The following DLG2 variants were observed in gnomAD, a reference collection of about 807,000 sequenced individuals.
DLG2 encodes disks large homolog 2.
DLG2 carries 45 observed loss-of-function variants against 132.5 expected under a neutral mutation model. The observed-to-expected ratio is 0.34, with a 90% confidence interval of 0.27 to 0.44. The LOEUF (loss-of-function observed/expected upper bound fraction) is 0.44, where lower values mean the gene tolerates loss of function less well. Ranked by LOEUF, DLG2 falls within the 20% of genes least tolerant of loss-of-function variation. The probability of loss-of-function intolerance (pLI) is 1.00; values close to 1 mark genes in which losing one functional copy is unlikely to be tolerated. For synonymous variants in DLG2, 424 were observed against 419.6 expected (o/e 1.01, Z -0.13); for missense variants, 1,045 against 1,196.9 (o/e 0.87, Z 1.87).
intron 15 of DLG2, among the ~76,000 whole-genome samples, chr11:83,916,320 T>C (rs547712421): frequency 3.2e-4 from 49 of 152,074 alleles, no homozygotes; most frequent in African/African-American, 1.1e-3. Flanking sequence ...TTTTTTTTTG[T>C]TTTTTGTTTT....
At chr11:83,705,973 CT>C (rs1365498715) in intron 18 of DLG2, among the ~76,000 whole-genome samples, 1 of 152,156 alleles carries the variant, frequency 6.6e-6, no homozygotes, top group Non-Finnish European at 1.5e-5. Flanking sequence ...AATCCCAGCA[CT>C]TTGGGAGGCC....
At chr11:85,124,521 T>G (rs2074827548) in intron 5 of DLG2, among the ~76,000 whole-genome samples, 1 of 152,180 alleles carries the variant, frequency 6.6e-6, no homozygotes, top group Non-Finnish European at 1.5e-5. Context: ...CATTTCAGAC[T>G]TGAGAAAAAT....
chr11:85,017,120 C>T (rs913995577), intron 6 of DLG2, among the ~76,000 whole-genome samples: 1 of 152,144 alleles, frequency 6.6e-6, no homozygotes, highest in South Asian at 2.1e-4. Flanking sequence ...TACTCTCTAG[C>T]CCTTTACTGG....
intron 7 of DLG2, among the ~76,000 whole-genome samples, chr11:84,501,371 C>G (rs937350040): frequency 6.6e-6 from 1 of 152,170 alleles, no homozygotes; most frequent in African/African-American, 2.4e-5. Flanking sequence ...TCGAGACCAG[C>G]CTGGCCAACA....
At chr11:85,147,735 T>A (rs1220378340) in intron 5 of DLG2, among the ~76,000 whole-genome samples, 2 of 150,468 alleles carry the variant, frequency 1.3e-5, no homozygotes, top group Non-Finnish European at 2.9e-5. Context: ...ATGGTCAATA[T>A]TCTTTTATTT....
intron 8 of DLG2, among the ~76,000 whole-genome samples, chr11:84,187,725 T>C (rs1009586573): frequency 6.6e-5 from 10 of 152,180 alleles, no homozygotes; most frequent in Admixed American, 2.6e-4. Flanking sequence ...ACACCTCTTG[T>C]CTGTTAAAGG....
intron 4 of DLG2, among the ~76,000 whole-genome samples, chr11:85,248,820 C>T (rs2076260775): frequency 6.6e-6 from 1 of 151,984 alleles, no homozygotes; most frequent in East Asian, 1.9e-4. Flanking sequence ...TATTTATGGC[C>T]TCATGAAGGG....
intron 7 of DLG2, among the ~76,000 whole-genome samples, chr11:84,271,656 A>G (rs1379411172): frequency 2.0e-5 from 3 of 152,196 alleles, no homozygotes; most frequent in Admixed American, 6.5e-5. Flanking sequence ...TGTGCTAGAC[A>G]CTGGGAATAG....
chr11:84,611,814 A>G (rs561493102), intron 6 of DLG2, among the ~76,000 whole-genome samples: 5 of 152,194 alleles, frequency 3.3e-5, no homozygotes, highest in Non-Finnish European at 7.4e-5. Flanking sequence ...GTTCACTGCA[A>G]TGTTGTTTAT....
At chr11:85,233,718 C>A (rs1164160273) in intron 4 of DLG2, among the ~76,000 whole-genome samples, 1 of 138,056 alleles carries the variant, frequency 7.2e-6, no homozygotes. Context: ...TTTTTTTTTA[C>A]CTTGGACTCT....
intron 18 of DLG2, among the ~76,000 whole-genome samples, chr11:83,728,515 C>T (rs1267873116): frequency 6.6e-6 from 1 of 152,216 alleles, no homozygotes; most frequent in Non-Finnish European, 1.5e-5. Flanking sequence ...ACCCACTATT[C>T]CCATAGCATT....
At chr11:85,112,068 C>T (rs2072850868) in intron 5 of DLG2, among the ~76,000 whole-genome samples, 1 of 152,026 alleles carries the variant, frequency 6.6e-6, no homozygotes, top group African/African-American at 2.4e-5. Flanking sequence ...CCTAATCAAC[C>T]CTGAAACATG....
intron 7 of DLG2, among the ~76,000 whole-genome samples, chr11:84,424,749 T>C (rs1205391435): frequency 3.9e-5 from 6 of 152,106 alleles, no homozygotes; most frequent in Admixed American, 3.3e-4. Flanking sequence ...AAGGACATTA[T>C]GGACATTCAC....
chr11:85,474,660 A>C (rs2093085184), intron 3 of DLG2, among the ~76,000 whole-genome samples: 2 of 151,948 alleles, frequency 1.3e-5, no homozygotes, highest in South Asian at 4.1e-4. Flanking sequence ...AGCAATAATA[A>C]AATTGTTCTC....
chr11:83,732,735 G>A (rs946428961), intron 18 of DLG2, among the ~76,000 whole-genome samples: 5 of 152,184 alleles, frequency 3.3e-5, no homozygotes, highest in Admixed American at 6.5e-5. Flanking sequence ...AAGAAAAAAT[G>A]TCTAAAGCTA....
intron 7 of DLG2, among the ~76,000 whole-genome samples, chr11:84,370,557 T>C (rs1224093246): frequency 6.6e-6 from 1 of 152,150 alleles, no homozygotes; most frequent in Non-Finnish European, 1.5e-5. Context: ...GTGAGGTGCC[T>C]ACCACAGTGT....
At chr11:84,903,139 G>A (rs1425368567) in intron 6 of DLG2, among the ~76,000 whole-genome samples, 4 of 152,004 alleles carry the variant, frequency 2.6e-5, no homozygotes, top group Non-Finnish European at 4.4e-5. Context: ...TCTATTTCAA[G>A]ACATAAGAAA....
chr11:84,482,051 A>C (rs1603006947), intron 7 of DLG2, among the ~76,000 whole-genome samples: 1 of 152,334 alleles, frequency 6.6e-6, no homozygotes, highest in South Asian at 2.1e-4. Flanking sequence ...TATAAAAGAT[A>C]TCTATTTCCA....
intron 6 of DLG2, among the ~76,000 whole-genome samples, chr11:84,943,680 CATATT>C (rs1339592221): frequency 1.3e-5 from 2 of 152,138 alleles, no homozygotes; most frequent in African/African-American, 4.8e-5. Context: ...CTATTTATAT[CATATT>C]ATACTTTCTA....
Sources: allele counts gnomAD v4.1 joint callset (sites outside exome capture counted in the v4.1 genomes callset), GRCh38; gene constraint gnomAD v4.1.1; transcripts MANE v1.5; gene names NCBI Gene and HGNC (gene_info 2026-07-23, HGNC 2026-07-21).